TMEM131: variants seen among roughly 807,000 people sequenced by gnomAD.
The protein encoded by TMEM131 is transmembrane protein 131, also known as 2610524E03Rik.
A neutral mutation model predicts 211.6 loss-of-function variants in TMEM131; 66 were observed. The ratio of observed to expected loss-of-function variants is 0.31; its 90% CI spans 0.26 to 0.38. TMEM131 has a LOEUF of 0.38. TMEM131 is among the 10% of genes least tolerant of loss of function. TMEM131 has a pLI of 1.00. For missense variants in TMEM131, 2,036 were observed against 2,299.3 expected (o/e 0.89, Z 2.34); for synonymous variants, 844 against 841.3 (o/e 1.00, Z -0.06).
chr2:97,869,431 A>G (rs1480434378), intron 4 of TMEM131, among the ~76,000 whole-genome samples: 3 of 152,212 alleles, frequency 2.0e-5, no homozygotes, highest in Non-Finnish European at 2.9e-5. Context: ...CCAGGGATCA[A>G]AGAGGAAAGG....
At chr2:97,942,130 G>T (rs1031736183) in intron 1 of TMEM131, among the ~76,000 whole-genome samples, 2 of 152,064 alleles carry the variant, frequency 1.3e-5, no homozygotes, top group African/African-American at 4.8e-5. Context: ...ATACACCATG[G>T]AATACTATGC....
At chr2:97,895,654 G>A (rs1033597989) in intron 3 of TMEM131, among the ~76,000 whole-genome samples, 13 of 152,194 alleles carry the variant, frequency 8.5e-5, no homozygotes, top group Middle Eastern at 3.4e-3. Context: ...GTTTATTTGC[G>A]TAGAGGTGTT....
At chr2:97,962,428 C>T (rs1405162210) in intron 1 of TMEM131, among the ~76,000 whole-genome samples, 8 of 151,996 alleles carry the variant, frequency 5.3e-5, no homozygotes, top group South Asian at 2.1e-4. Flanking sequence ...GGTGTGAACC[C>T]GGGAGGTGGA....
In TMEM131 at chr2:97,769,193, T is replaced by C. The variant is rs1217600589; in HGVS notation, c.4449-2591A>G. 2.8e-5 allele frequency among the ~76,000 whole-genome samples: 4 copies of C among 143,828 alleles called. 1 individual carries two copies. Among genetic ancestry groups the C allele is most frequent in the Non-Finnish European group, 5.9e-5 (4 of 67,486 alleles). 94.4% of individuals were successfully genotyped at this position (143,828 alleles called of 152,430 possible). A position where few individuals can be genotyped will look rare whatever the true frequency, so the allele number is the denominator to read the frequency against. On this transcript the variant is annotated intron_variant, in intron 33 of 40. Transcript: ENST00000186436. ...TGTAAGATAAGGTCTTGCTATATTT[T>C]CCAGGCTGATCTTGAACTCCTGGGC... is the stretch of plus-strand genomic sequence containing the variant.
chr2:97,832,826 T>C (rs1682772082), intron 11 of TMEM131, among the ~76,000 whole-genome samples: 1 of 152,220 alleles, frequency 6.6e-6, no homozygotes, highest in Admixed American at 6.5e-5. Flanking sequence ...AAAAGTTACT[T>C]ACTCTGTATG....
intron 32 of TMEM131, among the ~76,000 whole-genome samples, chr2:97,773,709 C>T (rs554741064): frequency 1.1e-3 from 161 of 151,070 alleles, no homozygotes; most frequent in African/African-American, 3.8e-3. Context: ...CTCAAGTGAT[C>T]CTCTCACCTC....
At chr2:97,862,406 A>G (rs1674106635) in intron 4 of TMEM131, among the ~76,000 whole-genome samples, 1 of 152,138 alleles carries the variant, frequency 6.6e-6, no homozygotes, top group Non-Finnish European at 1.5e-5. Flanking sequence ...GACCAATCCG[A>G]GAGAAACAGA....
chr2:97,995,235 G>C (rs1385913550), intron 1 of TMEM131, among the ~76,000 whole-genome samples: 1 of 152,254 alleles, frequency 6.6e-6, no homozygotes, highest in African/African-American at 2.4e-5. Context: ...GAACGTACGA[G>C]AAGTCAGGAA....
intron 4 of TMEM131, among the ~76,000 whole-genome samples, chr2:97,881,099 T>TA (rs1453548997): frequency 6.6e-6 from 1 of 152,190 alleles, no homozygotes; most frequent in African/African-American, 2.4e-5. Flanking sequence ...TCCACTCTGT[T>TA]AGACCAGTTG....
At position 97,757,072 on chromosome 2, in the gene TMEM131, A is replaced by T; in HGVS notation, c.*27T>A. 1 of 1,557,598 alleles carries T rather than the reference A, an allele frequency of 6.4e-7. No individual in the cohort carries two copies. Among genetic ancestry groups the T allele is most frequent in the Non-Finnish European group, 8.7e-7 (1 of 1,148,582 alleles). On this transcript the variant is annotated 3_prime_UTR_variant, in exon 41 of 41. Transcript: ENST00000186436. ...CACATCATGATCTAGACGAGGGCCC[A>T]CTATGTTTGTTTGTTTTTTGCTTAA...
At position 97,792,983 on chromosome 2, in the gene TMEM131, AGCTG is replaced by A; in HGVS notation, c.3546-3_3546del. ...CCGGGGTCACAGCTGAGTGTGTTCA[AGCTG>A]AAAAAGGGACCAACTGCAGATCAGT... On this transcript the variant is annotated splice_acceptor_variant and splice_polypyrimidine_tract_variant and coding_sequence_variant and intron_variant, in exon 31 of 41. Coordinates refer to ENST00000186436, the MANE Select transcript of TMEM131 (RefSeq NM_015348.2). LOFTEE classifies it high-confidence loss of function. 6.5e-7 allele frequency: 1 copy of A among 1,542,632 alleles called. No homozygotes were observed. Among genetic ancestry groups the A allele is most frequent in the Admixed American group, 2.1e-5 (1 of 48,602 alleles).
intron 2 of TMEM131, among the ~76,000 whole-genome samples, chr2:97,913,299 G>A (rs558732751): frequency 6.6e-6 from 1 of 152,154 alleles, no homozygotes; most frequent in Non-Finnish European, 1.5e-5. Context: ...ATTTTATAGA[G>A]ATATCAATAA....
At chr2:97,860,228 C>T (rs190770604) in intron 4 of TMEM131, among the ~76,000 whole-genome samples, 22 of 152,328 alleles carry the variant, frequency 1.4e-4, no homozygotes. Flanking sequence ...CCTAATCTCA[C>T]ATGACCCAAC....
intron 2 of TMEM131, among the ~76,000 whole-genome samples, chr2:97,914,228 G>A (rs1256129874): frequency 6.6e-6 from 1 of 152,170 alleles, no homozygotes; most frequent in African/African-American, 2.4e-5. Flanking sequence ...TTTTCACTGA[G>A]ATAACTGTAG....
intron 1 of TMEM131, among the ~76,000 whole-genome samples, chr2:97,947,297 C>A (rs941153316): frequency 2.0e-5 from 3 of 151,910 alleles, no homozygotes; most frequent in Non-Finnish European, 4.4e-5. Flanking sequence ...TGTCTTTAGA[C>A]ACAGACATGA....
chr2:97,769,316 TTAA>T (rs989010235), intron 33 of TMEM131, among the ~76,000 whole-genome samples: 93 of 152,316 alleles, frequency 6.1e-4, no homozygotes, highest in African/African-American at 2.1e-3. Flanking sequence ...CCTCCATTTT[TTAA>T]TAATAATGTT....
At chr2:97,835,163 A>G (rs748406722) in intron 8 of TMEM131, among the ~76,000 whole-genome samples, 3 of 152,270 alleles carry the variant, frequency 2.0e-5, no homozygotes, top group Non-Finnish European at 1.5e-5. Flanking sequence ...AGGCAAAGCA[A>G]AAGAAGTCAA....
At chr2:97,784,870 C>CA (rs1054457250) in intron 31 of TMEM131, among the ~76,000 whole-genome samples, 12 of 151,904 alleles carry the variant, frequency 7.9e-5, no homozygotes, top group African/African-American at 2.9e-4. Flanking sequence ...CCAAAAACCC[C>CA]AAAAAATGAA....
chr2:97,843,209 C>A (rs1683281863), intron 6 of TMEM131, among the ~76,000 whole-genome samples: 1 of 152,116 alleles, frequency 6.6e-6, no homozygotes, highest in Non-Finnish European at 1.5e-5. Context: ...CAACAACTTA[C>A]TAATAGCATG....
Sources: allele counts gnomAD v4.1 joint callset (sites outside exome capture counted in the v4.1 genomes callset), GRCh38; gene constraint gnomAD v4.1.1; transcripts MANE v1.5; gene names NCBI Gene and HGNC (gene_info 2026-07-23, HGNC 2026-07-21).